The following CDHR3 variants were observed in gnomAD, a reference collection of about 807,000 sequenced individuals.
The protein encoded by CDHR3 is cadherin related family member 3.
Under a neutral mutation model 86.6 loss-of-function variants are expected in CDHR3, and 79 were observed. That is an observed-to-expected ratio of 0.91 (90% confidence interval 0.76 to 1.10). The LOEUF is 1.10. Ranked by LOEUF, CDHR3 falls within the 50% of genes least tolerant of loss-of-function variation. CDHR3 has a pLI of 0.00. For synonymous variants in CDHR3, 421 were observed against 402.4 expected (o/e 1.05, Z -0.55); for missense variants, 1,081 against 1,077.6 (o/e 1.00, Z -0.04).
Position 106,004,506 on chromosome 7 carries a change from A to G in CDHR3, c.871A>G (p.Thr291Ala), listed in dbSNP as rs749352680. The G allele has an allele frequency of 6.2e-7, 1 of 1,613,890 alleles. No homozygotes were observed. The highest frequency in any genetic ancestry group is 8.5e-7 in the Non-Finnish European group (1 of 1,179,774). The change falls in exon 8 of 19, where the codon ACA (threonine) becomes GCA (alanine). Residue 291 changes from threonine to alanine, a missense_variant. Transcript: ENST00000317716. ...KYFMINQLTG[T>A]IQVAQRIDRD... Reference sequence around the variant, plus strand: ...AACCTTTGCTTTCTCAGTGACTGGTACAATCCAAGTGGCCCAAAGGATAGA... The same window carrying G: ...AACCTTTGCTTTCTCAGTGACTGGTGCAATCCAAGTGGCCCAAAGGATAGA...
In CDHR3 at chr7:105,996,322, G is replaced by A; in HGVS notation, c.681G>A (p.Val227=). 1 of 1,597,012 alleles carries A rather than the reference G, an allele frequency of 6.3e-7. No individual in the cohort carries two copies. ...KASTELQVNI[V]NLNDEVPRFT... ...CCACAGAGCTCCAGGTGAACATCGT[G>A]AACCTCAACGACGAAGTCCCTCGCT... is the stretch of plus-strand genomic sequence containing the variant. Residue 227 remains valine, a synonymous_variant, in exon 6 of 19, where the codon GTG becomes GTA. Transcript: ENST00000317716.
intron 9 of CDHR3, among the ~76,000 whole-genome samples, chr7:106,013,325 C>T (rs966707677): frequency 1.3e-5 from 2 of 152,204 alleles, no homozygotes; most frequent in East Asian, 3.8e-4. Flanking sequence ...TCAGTGCCCT[C>T]TGTGCTCAGG....
chr7:106,003,714 A>G (rs966754167), intron 7 of CDHR3, among the ~76,000 whole-genome samples: 1 of 152,152 alleles, frequency 6.6e-6, no homozygotes, highest in African/African-American at 2.4e-5. Flanking sequence ...CAATGCCAGA[A>G]AAACAATGTC....
In CDHR3 at chr7:105,975,058, C is replaced by T. The variant is rs976638562; in HGVS notation, c.249+12C>T. 3 of 1,602,410 alleles carry T rather than the reference C, an allele frequency of 1.9e-6. No homozygotes were observed. Among genetic ancestry groups the T allele is most frequent in the Admixed American group, 1.7e-5 (1 of 59,970 alleles). ...GCACCTACTTTGAGGTAAGTAACAA[C>T]TTACCAACATGAGTGTTGCCTGCAA... On this transcript the variant is annotated intron_variant, in intron 2 of 18. Coordinates refer to ENST00000317716, the MANE Select transcript of CDHR3 (RefSeq NM_152750.5).
chr7:105,990,342 G>A (rs1302792133), intron 4 of CDHR3, among the ~76,000 whole-genome samples: 1 of 152,178 alleles, frequency 6.6e-6, no homozygotes, highest in Non-Finnish European at 1.5e-5. Context: ...CCACGTTAAG[G>A]ACTTGCAGTG....
intron 17 of CDHR3, among the ~76,000 whole-genome samples, chr7:106,028,999 A>G (rs1185431338): frequency 4.2e-5 from 3 of 71,070 alleles, no homozygotes; most frequent in Non-Finnish European, 9.0e-5. Flanking sequence ...TTTCTTTTTA[A>G]GACACAGTTT....
chr7:106,000,899 CAAAAAAA>C, intron 6 of CDHR3, among the ~76,000 whole-genome samples: 1 of 90,726 alleles, frequency 1.1e-5, no homozygotes. Context: ...TATCCTCAGG[CAAAAAAA>C]AAAAAAAAAA....
intron 6 of CDHR3, among the ~76,000 whole-genome samples, chr7:105,999,923 T>TG: frequency 6.6e-6 from 1 of 152,304 alleles, no homozygotes; most frequent in East Asian, 1.9e-4. Flanking sequence ...GCCTCTTTTT[T>TG]GGAAGTTAAC....
chr7:106,028,647 G>A (rs1335778869), intron 17 of CDHR3, 65 bp downstream of exon 17: 15 of 1,570,466 alleles, frequency 9.6e-6, no homozygotes, highest in Non-Finnish European at 1.2e-5. Flanking sequence ...CGTCTCCCCC[G>A]AAGGCAGGCC....
intron 11 of CDHR3, among the ~76,000 whole-genome samples, chr7:106,016,877 C>T (rs17152471): frequency 0.04 from 6,024 of 152,282 alleles, 165 homozygotes; most frequent in South Asian, 0.13. Flanking sequence ...ACAGATCTTA[C>T]TGCAGTTCTT....
intron 17 of CDHR3, among the ~76,000 whole-genome samples, chr7:106,028,952 C>CTTTT (rs1208075904): frequency 1.3e-4 from 19 of 145,976 alleles, no homozygotes; most frequent in Non-Finnish European, 2.1e-4. Flanking sequence ...TTCTTTCTTT[C>CTTTT]TTTCTTTCTT....
intron 4 of CDHR3, among the ~76,000 whole-genome samples, chr7:105,991,757 T>G (rs1831390014): frequency 6.6e-6 from 1 of 152,258 alleles, no homozygotes; most frequent in African/African-American, 2.4e-5. Flanking sequence ...ATCTATTATG[T>G]GCTAGTCACT....
intron 8 of CDHR3, among the ~76,000 whole-genome samples, chr7:106,010,073 C>CA (rs1834564003): frequency 3.3e-5 from 5 of 152,170 alleles, no homozygotes; most frequent in Admixed American, 3.3e-4. Context: ...AGTGAGGAGG[C>CA]CTCTGTTGGA....
In CDHR3 at chr7:105,994,741, T is replaced by C. The variant is rs770549731; in HGVS notation, c.514-10T>C. 6.3e-7 allele frequency: 1 copy of C among 1,599,872 alleles called. No homozygotes were observed. Among genetic ancestry groups the C allele is most frequent in the Admixed American group, 1.7e-5 (1 of 58,894 alleles). On this transcript the variant is annotated splice_polypyrimidine_tract_variant and intron_variant, in intron 4 of 18. Coordinates refer to ENST00000317716, the MANE Select transcript of CDHR3 (RefSeq NM_152750.5). ...GCTGATTTCATCAATTTTTTTCCCT[T>C]GTTTTTTAGTATTTCCTGATTTCTC...
chr7:105,969,480 C>T (rs959724039), intron 1 of CDHR3, among the ~76,000 whole-genome samples: 3 of 150,980 alleles, frequency 2.0e-5, no homozygotes, highest in African/African-American at 4.9e-5. Context: ...AGCTTGTAAG[C>T]GTTGTTTATT....
At chr7:105,965,521 A>T (rs1351491903) in intron 1 of CDHR3, among the ~76,000 whole-genome samples, 2 of 146,684 alleles carry the variant, frequency 1.4e-5, no homozygotes, top group Non-Finnish European at 3.0e-5. Context: ...CTTTCCTTTC[A>T]TGTGTTCTAA....
intron 1 of CDHR3, among the ~76,000 whole-genome samples, chr7:105,968,626 G>A (rs894541916): frequency 2.6e-4 from 39 of 152,228 alleles, no homozygotes; most frequent in African/African-American, 9.2e-4. Flanking sequence ...CTCCCAGAGT[G>A]CTGGGATTAC....
intron 8 of CDHR3, among the ~76,000 whole-genome samples, chr7:106,007,130 C>T (rs367773187): frequency 3.9e-5 from 6 of 152,320 alleles, no homozygotes; most frequent in African/African-American, 7.2e-5. Context: ...AAAGCTAGAG[C>T]GGCTGGGATG....
intron 4 of CDHR3, among the ~76,000 whole-genome samples, chr7:105,985,614 A>G (rs1379482593): frequency 6.6e-6 from 1 of 152,218 alleles, no homozygotes; most frequent in Non-Finnish European, 1.5e-5. Flanking sequence ...GATACAACTT[A>G]AAGTAAGGGA....
Sources: gnomAD v4.1 joint callset for allele counts (sites outside exome capture counted in the v4.1 genomes callset) on GRCh38, gnomAD v4.1.1 for gene constraint, MANE v1.5 for transcripts, NCBI Gene and HGNC (gene_info 2026-07-23, HGNC 2026-07-21) for gene names.